Variants in HIVEP3 observed in about 807,000 individuals in gnomAD.
HIVEP3 encodes the protein transcription factor HIVEP3.
HIVEP3 carries 49 observed loss-of-function variants against 152.8 expected under a neutral mutation model. That is an observed-to-expected ratio of 0.32 (90% confidence interval 0.26 to 0.41). The LOEUF is 0.41. Ranked by LOEUF, HIVEP3 falls within the 10% of genes least tolerant of loss-of-function variation. The pLI is 1.00. For missense variants in HIVEP3, 2,790 were observed against 3,103.3 expected, an observed-to-expected ratio of 0.90 and a Z score of 2.40; for synonymous variants, 1,269 against 1,289.0, an observed-to-expected ratio of 0.98 and a Z score of 0.33.
intron 1 of HIVEP3, 27 bp from the exon 2 acceptor site, chr1:41,701,022 A>G (rs1270260699): frequency 1.1e-6 from 1 of 940,764 alleles, no homozygotes; most frequent in Admixed American, 6.2e-5. Flanking sequence ...AAGTGAGAAT[A>G]TTATGCCACC....
chr1:41,560,311 G>C (rs558372113), intron 5 of HIVEP3, among the ~76,000 whole-genome samples: 1 of 152,268 alleles, frequency 6.6e-6, no homozygotes, highest in African/African-American at 2.4e-5. Context: ...TTTGAACCCA[G>C]GTGTGCTGTT....
intron 1 of HIVEP3, among the ~76,000 whole-genome samples, chr1:41,785,579 T>TC (rs1210878732): frequency 2.9e-4 from 44 of 152,196 alleles, no homozygotes; most frequent in African/African-American, 8.7e-4. Context: ...ATGTCTGGCT[T>TC]TGAAAATATT....
intron 5 of HIVEP3, among the ~76,000 whole-genome samples, chr1:41,567,153 T>C (rs140464721): frequency 0.015 from 2,244 of 152,182 alleles, 30 homozygotes; most frequent in Non-Finnish European, 0.02. Flanking sequence ...TCTCACCCCA[T>C]AAAGGGCACC....
At chr1:41,827,744 TGAA>T (rs752942173) in intron 1 of HIVEP3, among the ~76,000 whole-genome samples, 2 of 152,240 alleles carry the variant, frequency 1.3e-5, no homozygotes, top group East Asian at 3.9e-4. Flanking sequence ...GTGAAGAACA[TGAA>T]GAAGATTTTT....
intron 2 of HIVEP3, among the ~76,000 whole-genome samples, chr1:41,681,626 A>G (rs927006548): frequency 2.4e-4 from 37 of 152,194 alleles, no homozygotes; most frequent in African/African-American, 8.9e-4. Context: ...CTCTCGGGGC[A>G]CACATCCTCT....
chr1:41,599,609 A>T (rs981212299), intron 3 of HIVEP3, among the ~76,000 whole-genome samples: 1 of 152,232 alleles, frequency 6.6e-6, no homozygotes. Context: ...ACCTAAACTC[A>T]GAGATAAAAC....
intron 1 of HIVEP3, among the ~76,000 whole-genome samples, chr1:41,836,920 T>A (rs1643140235): frequency 6.6e-6 from 1 of 152,220 alleles, no homozygotes; most frequent in South Asian, 2.1e-4. Flanking sequence ...ATGGTCTTTT[T>A]TCCACTGTTG....
At chr1:41,936,691 T>C (rs968036141) in intron 1 of HIVEP3, among the ~76,000 whole-genome samples, 2 of 152,228 alleles carry the variant, frequency 1.3e-5, no homozygotes, top group Non-Finnish European at 2.9e-5. Flanking sequence ...CTCTGTCTTT[T>C]ATTGGGGTTC....
chr1:41,832,642 A>C (rs1214889128), intron 1 of HIVEP3, among the ~76,000 whole-genome samples: 1 of 152,232 alleles, frequency 6.6e-6, no homozygotes, highest in Non-Finnish European at 1.5e-5. Context: ...CTAGGATGTG[A>C]GTCTTTGAGC....
intron 1 of HIVEP3, among the ~76,000 whole-genome samples, chr1:41,956,342 G>A (rs1645140320): frequency 1.3e-5 from 2 of 152,214 alleles, no homozygotes; most frequent in South Asian, 2.1e-4. Flanking sequence ...TATCTGTTTC[G>A]TGTATGAAAC....
At chr1:41,915,970 G>C (rs1644864906) in intron 1 of HIVEP3, among the ~76,000 whole-genome samples, 1 of 152,182 alleles carries the variant, frequency 6.6e-6, no homozygotes, top group Admixed American at 6.5e-5. Flanking sequence ...TGATGGGCAG[G>C]ATGGAGGGCA....
chr1:41,618,260 C>T (rs1161601244), intron 3 of HIVEP3, among the ~76,000 whole-genome samples: 2 of 152,236 alleles, frequency 1.3e-5, no homozygotes, highest in Non-Finnish European at 2.9e-5. Flanking sequence ...AGTCTCCTTG[C>T]GCTCAGCAGA....
chr1:41,840,235 T>C (rs1308103406), intron 1 of HIVEP3, among the ~76,000 whole-genome samples: 2 of 152,136 alleles, frequency 1.3e-5, no homozygotes, highest in South Asian at 2.1e-4. Context: ...TATTTGGAAA[T>C]AGAGTCTTTG....
intron 1 of HIVEP3, among the ~76,000 whole-genome samples, chr1:41,884,193 T>C (rs1211883962): frequency 6.6e-6 from 1 of 152,170 alleles, no homozygotes; most frequent in East Asian, 1.9e-4. Context: ...CTCGAACACC[T>C]GGTCTCAAGT....
intron 1 of HIVEP3, among the ~76,000 whole-genome samples, chr1:41,957,074 C>T (rs905064859): frequency 6.6e-6 from 1 of 152,048 alleles, no homozygotes; most frequent in African/African-American, 2.4e-5. Context: ...CATGAAAGGG[C>T]TCAGTGATTT....
chr1:41,632,521 A>T (rs1428605734), intron 2 of HIVEP3, among the ~76,000 whole-genome samples: 2 of 152,204 alleles, frequency 1.3e-5, no homozygotes, highest in African/African-American at 4.8e-5. Flanking sequence ...GGCATGAGCC[A>T]CCACGCCTGG....
At position 42,005,432 on chromosome 1, in the gene HIVEP3, A is replaced by G. The variant is rs1324869562; in HGVS notation, n.119+30375T>C. Among the ~76,000 whole-genome samples, 6 of 152,198 alleles carry G rather than the reference A, an allele frequency of 3.9e-5. No individual in the cohort carries two copies. The East Asian group carries it at 1.2e-3, about 29-fold the overall frequency. On this transcript the variant is annotated intron_variant and non_coding_transcript_variant, in intron 1 of 3. Coordinates refer to the HIVEP3 transcript ENST00000489103. Reference sequence around the variant, plus strand: ...CACATATGTGTATATATATATGTCTATGTGTATATATATCTACACAGATAT... The same window carrying G: ...CACATATGTGTATATATATATGTCTGTGTGTATATATATCTACACAGATAT...
chr1:41,740,652 G>T (rs1646983338), intron 1 of HIVEP3, among the ~76,000 whole-genome samples: 1 of 152,240 alleles, frequency 6.6e-6, no homozygotes, highest in Non-Finnish European at 1.5e-5. Flanking sequence ...CTGGCTAGGA[G>T]CTCTCACACT....
rs1460503468 is a variant in HIVEP3, at chr1:41,583,088, G to A, written c.1710C>T (p.Ser570=). Reference sequence around the variant, plus strand: ...CGTGACTGCTGTGGCTCAGGGCTTCGGAGTCGGTGATATGGTCATCGAAGG... The same window carrying A: ...CGTGACTGCTGTGGCTCAGGGCTTCAGAGTCGGTGATATGGTCATCGAAGG... ...SYSFDDHITD[S]EALSHSSHVF... is the part of the protein sequence containing the mutation. The change falls in exon 4 of 9, where the codon TCC becomes TCT. Residue 570 remains serine, a synonymous_variant. Coordinates refer to ENST00000372583, the MANE Select transcript of HIVEP3 (RefSeq NM_024503.5). The surrounding 1 kb of genome is among the most constrained non-coding windows in gnomAD (Gnocchi z 6.9). 5.0e-6 allele frequency: 8 copies of A among 1,613,628 alleles called. No homozygotes were observed. The highest frequency in any genetic ancestry group is 3.3e-4 in the Middle Eastern group (2 of 6,084).
Sources: allele counts gnomAD v4.1 joint callset (sites outside exome capture counted in the v4.1 genomes callset), GRCh38; gene constraint gnomAD v4.1.1; non-coding constraint Gnocchi (gnomAD v3.1); transcripts MANE v1.5; gene names NCBI Gene and HGNC (gene_info 2026-07-23, HGNC 2026-07-21).